Variants in DUSP29 observed in about 807,000 individuals in gnomAD.
DUSP29 encodes atypical dual-specific protein phosphatase.
In DUSP29, 12 loss-of-function variants were observed where a neutral mutation model predicts 13.5. That is an observed-to-expected ratio of 0.89 (90% CI 0.57 to 1.44). The LOEUF is 1.44. DUSP29 is among the 40% of genes most tolerant of loss of function. The pLI is 0.00. For missense variants in DUSP29, 308 were observed against 301.1 expected, an observed-to-expected ratio of 1.02 and a Z score of -0.17; for synonymous variants, 134 against 128.7, an observed-to-expected ratio of 1.04 and a Z score of -0.28.
chr10:75,040,343 A>C (rs548273300), intron 3 of DUSP29, among the ~76,000 whole-genome samples: 1 of 152,340 alleles, frequency 6.6e-6, no homozygotes, highest in East Asian at 1.9e-4. Context: ...ATGGACTGCC[A>C]AAAGGAGAGC....
At position 75,039,171 on chromosome 10, in the gene DUSP29, A is replaced by G. The variant is rs188097269; in HGVS notation, c.422-1094T>C. Among the ~76,000 whole-genome samples, 24 of 152,220 alleles carry G rather than the reference A, an allele frequency of 1.6e-4. No individual in the cohort carries two copies. In the East Asian group the frequency reaches 3.9e-3, roughly 25 times the overall value. ...AGTGGGAGAGATCAGCGCCCCTCTC[A>G]TGCTTGGAGATACTTTTCTTCATGA... On this transcript the variant is annotated intron_variant, in intron 3 of 3. Transcript: ENST00000338487.
chr10:75,067,696 T>G (rs1847234860), intron 1 of DUSP29, among the ~76,000 whole-genome samples: 1 of 152,160 alleles, frequency 6.6e-6, no homozygotes, highest in Non-Finnish European at 1.5e-5. Context: ...TTCTAGAGGT[T>G]TTTAGCTGAG....
At chr10:75,060,730 G>A (rs951665954) in intron 1 of DUSP29, among the ~76,000 whole-genome samples, 5 of 152,128 alleles carry the variant, frequency 3.3e-5, no homozygotes, top group Admixed American at 6.5e-5. Context: ...TGCCAGCCAC[G>A]TATGAATAAG....
chr10:75,063,430 A>G (rs147064064), intron 1 of DUSP29, among the ~76,000 whole-genome samples: 4 of 151,770 alleles, frequency 2.6e-5, no homozygotes, highest in African/African-American at 9.7e-5. Flanking sequence ...GCTTGAGGGC[A>G]TTTTCTAGTC....
chr10:75,066,300 C>T (rs1281291914), intron 1 of DUSP29, among the ~76,000 whole-genome samples: 1 of 151,868 alleles, frequency 6.6e-6, no homozygotes, highest in Non-Finnish European at 1.5e-5. Context: ...CTTGGCAGTG[C>T]CCCATAGCTG....
intron 3 of DUSP29, 151 bp from the exon 4 acceptor site, chr10:75,038,228 C>T (rs992446089): frequency 3.0e-6 from 3 of 1,010,014 alleles, no homozygotes; most frequent in South Asian, 1.7e-5. Context: ...AACGGGGACA[C>T]TCTCGGTGTC....
intron 2 of DUSP29, among the ~76,000 whole-genome samples, 157 bp from the exon 3 acceptor site, chr10:75,044,174 C>T (rs1846653511): frequency 6.6e-6 from 1 of 152,236 alleles, no homozygotes; most frequent in South Asian, 2.1e-4. Flanking sequence ...ACCCGGTCCC[C>T]TAGGCCACCT....
At chr10:75,051,391 AAAGTCACAAAGCCTG>A (rs1846826256) in intron 2 of DUSP29, among the ~76,000 whole-genome samples, 1 of 152,264 alleles carries the variant, frequency 6.6e-6, no homozygotes, top group Non-Finnish European at 1.5e-5. Context: ...GAAGAAGCTG[AAAGTCACAAAGCCTG>A]AGTGACTTGC....
chr10:75,053,493 A>G (rs2134292317), intron 2 of DUSP29, among the ~76,000 whole-genome samples: 1 of 152,344 alleles, frequency 6.6e-6, no homozygotes, highest in Middle Eastern at 3.4e-3. Flanking sequence ...AAGTCCCATT[A>G]TTGTTGCCAC....
At chr10:75,050,963 C>G (rs184359845) in intron 2 of DUSP29, among the ~76,000 whole-genome samples, 1 of 152,214 alleles carries the variant, frequency 6.6e-6, no homozygotes, top group Non-Finnish European at 1.5e-5. Flanking sequence ...GCAGTGAGGA[C>G]TTGGAATTAC....
intron 3 of DUSP29, among the ~76,000 whole-genome samples, 171 bp from the exon 4 acceptor site, chr10:75,038,248 G>A (rs1846508395): frequency 6.6e-6 from 1 of 152,126 alleles, no homozygotes; most frequent in Non-Finnish European, 1.5e-5. Flanking sequence ...CTTCTTCATA[G>A]GGTTGTTGAG....
chr10:75,072,567 C>T (rs1847353744), intron 1 of DUSP29, among the ~76,000 whole-genome samples: 1 of 151,986 alleles, frequency 6.6e-6, no homozygotes, highest in African/African-American at 2.4e-5. Context: ...TCAGAGTCCT[C>T]GGATTTGTCG....
At chr10:75,045,376 A>G (rs554830680) in intron 2 of DUSP29, among the ~76,000 whole-genome samples, 4 of 136,990 alleles carry the variant, frequency 2.9e-5, no homozygotes, top group African/African-American at 1.4e-4. Context: ...TCAAAAAACA[A>G]AAGAACAGGT....
chr10:75,072,160 C>G (rs1043644088), intron 1 of DUSP29, among the ~76,000 whole-genome samples: 8 of 152,190 alleles, frequency 5.3e-5, no homozygotes, highest in Admixed American at 4.6e-4. Flanking sequence ...GCAAGAAACC[C>G]CAGGATACAG....
At chr10:75,048,680 C>T (rs1220436570) in intron 2 of DUSP29, among the ~76,000 whole-genome samples, 1 of 152,170 alleles carries the variant, frequency 6.6e-6, no homozygotes, top group Non-Finnish European at 1.5e-5. Flanking sequence ...GAGTCTTAAC[C>T]GTGCAGTCTT....
At chr10:75,069,603 G>A (rs1415319057) in intron 1 of DUSP29, among the ~76,000 whole-genome samples, 1 of 152,188 alleles carries the variant, frequency 6.6e-6, no homozygotes, top group Non-Finnish European at 1.5e-5. Flanking sequence ...GACGCTCTGG[G>A]CCTTGGGAAG....
chr10:75,048,220 A>G (rs1846744525), intron 2 of DUSP29, among the ~76,000 whole-genome samples: 1 of 152,054 alleles, frequency 6.6e-6, no homozygotes, highest in Non-Finnish European at 1.5e-5. Context: ...TGCAGTCCGT[A>G]TTCTTTGTCA....
At position 75,058,521 on chromosome 10, in the gene DUSP29, G is replaced by C. The variant is rs536859088; in HGVS notation, c.-7C>G. 6.2e-7 allele frequency: 1 copy of C among 1,613,918 alleles called. No individual in the cohort carries two copies. Among genetic ancestry groups the C allele is most frequent in the East Asian group, 2.2e-5 (1 of 44,892 alleles). On this transcript the variant is annotated 5_prime_UTR_variant, in exon 2 of 4. Coordinates refer to ENST00000338487, the MANE Select transcript of DUSP29 (RefSeq NM_001003892.3). ...TCACTTCTCCAGATGTCATTTTAGA[G>C]CCAAGGGATTTTCTCTCCTTTCTGC...
intron 1 of DUSP29, among the ~76,000 whole-genome samples, chr10:75,063,818 A>G (rs1027996951): frequency 6.6e-6 from 1 of 152,212 alleles, no homozygotes; most frequent in African/African-American, 2.4e-5. Flanking sequence ...GACACGGTAT[A>G]CATATATCAA....
Sources: allele counts gnomAD v4.1 joint callset (sites outside exome capture counted in the v4.1 genomes callset), GRCh38; gene constraint gnomAD v4.1.1; transcripts MANE v1.5; gene names NCBI Gene and HGNC (gene_info 2026-07-23, HGNC 2026-07-21).